Variants in ADRA1B observed in about 807,000 individuals in gnomAD.
The protein encoded by ADRA1B is alpha-1B adrenergic receptor.
ADRA1B carries 17 observed loss-of-function variants against 17.9 expected under a neutral mutation model. The observed-to-expected ratio is 0.95, with a 90% CI of 0.65 to 1.42. The LOEUF is 1.42. Among genes scored for constraint, ADRA1B ranks in the 40% most tolerant of loss-of-function variants. The pLI is 0.00. For missense variants in ADRA1B, 681 were observed against 722.1 expected (o/e 0.94, Z 0.65); for synonymous variants, 366 against 327.6 (o/e 1.12, Z -1.27).
At chr5:159,950,277 A>AT (rs34015321) in intron 1 of ADRA1B, among the ~76,000 whole-genome samples, 17,590 of 152,012 alleles carry the variant, frequency 0.12, 1,276 homozygotes, top group Non-Finnish European at 0.15. Context: ...CTAGTGGAGA[A>AT]TTTTTTCTTT....
intron 1 of ADRA1B, among the ~76,000 whole-genome samples, chr5:159,886,513 C>T (rs1753924148): frequency 6.6e-6 from 1 of 152,160 alleles, no homozygotes; most frequent in South Asian, 2.1e-4. Context: ...TTCAGTGAGT[C>T]TCCCAAGCCA....
chr5:159,875,416 A>G (rs1276964696), intron 1 of ADRA1B, among the ~76,000 whole-genome samples: 2 of 152,162 alleles, frequency 1.3e-5, no homozygotes, highest in Non-Finnish European at 2.9e-5. Context: ...GACCAAGCTC[A>G]AGGAAAAATG....
upstream of ADRA1B, among the ~76,000 whole-genome samples, chr5:159,913,546 C>T (rs557209364): frequency 2.6e-5 from 4 of 152,350 alleles, no homozygotes; most frequent in South Asian, 8.3e-4. Flanking sequence ...GTCAATCTGG[C>T]TCAATAATTT....
chr5:159,869,490 C>T (rs1251827203), intron 1 of ADRA1B: 1 of 152,182 alleles, frequency 6.6e-6, no homozygotes, highest in Non-Finnish European at 1.5e-5. Context: ...ATTAGAGTTG[C>T]TCACTGGAAA....
At chr5:159,978,203 C>G in the ADRA1B span, among the ~76,000 whole-genome samples, 1 of 152,294 alleles carries the variant, frequency 6.6e-6, no homozygotes, top group African/African-American at 2.4e-5. Context: ...TGTGTATTCT[C>G]AGCACTTCAT....
At chr5:159,879,363 C>A (rs951833548) in intron 1 of ADRA1B, among the ~76,000 whole-genome samples, 1 of 152,140 alleles carries the variant, frequency 6.6e-6, no homozygotes, top group Admixed American at 6.5e-5. Context: ...CAGCAACAGG[C>A]GCCTGCCTGT....
At chr5:159,949,927 T>G (rs1755380637) in intron 1 of ADRA1B, among the ~76,000 whole-genome samples, 1 of 152,136 alleles carries the variant, frequency 6.6e-6, no homozygotes, top group African/African-American at 2.4e-5. Flanking sequence ...CCCAGATAAG[T>G]CAAACCTCCA....
the ADRA1B span, among the ~76,000 whole-genome samples, chr5:159,979,262 G>A: frequency 2.0e-5 from 3 of 152,216 alleles, no homozygotes; most frequent in African/African-American, 7.2e-5. Context: ...CTAGAACTGG[G>A]TGACAATCCT....
chr5:159,951,060 T>G (rs1755425195), intron 1 of ADRA1B: 1 of 714,436 alleles, frequency 1.4e-6, no homozygotes, highest in Non-Finnish European at 2.6e-6. Flanking sequence ...GAGGCATAGC[T>G]GACGATATTG....
At chr5:159,895,995 T>C (rs1202385191) in intron 1 of ADRA1B, among the ~76,000 whole-genome samples, 1 of 152,244 alleles carries the variant, frequency 6.6e-6, no homozygotes. Context: ...CACATAGTGC[T>C]GTGCCTGACA....
At chr5:159,869,795 C>T (rs1295936195) in intron 1 of ADRA1B, 3 of 152,136 alleles carry the variant, frequency 2.0e-5, no homozygotes, top group Admixed American at 2.0e-4. Context: ...AATAATCGCT[C>T]CTGCTTCAGA....
chr5:159,972,833 C>T lies in ADRA1B; in HGVS notation c.*341C>T, dbSNP rs1032553185. 3.3e-5 allele frequency among the ~76,000 whole-genome samples: 5 copies of T among 152,108 alleles called. No homozygotes were observed. Among genetic ancestry groups the T allele is most frequent in the African/African-American group, 9.7e-5 (4 of 41,422 alleles). On this transcript the variant is annotated 3_prime_UTR_variant, in exon 2 of 2. Coordinates refer to ENST00000306675, the MANE Select transcript of ADRA1B (RefSeq NM_000679.4). Reference sequence around the variant, plus strand: ...GACTGTGCGGTGTGCGTGTGTTCCGCTTGTGTGTGTGCGTGGGGCCGCCCT... The same window carrying T: ...GACTGTGCGGTGTGCGTGTGTTCCGTTTGTGTGTGTGCGTGGGGCCGCCCT...
intron 1 of ADRA1B, among the ~76,000 whole-genome samples, chr5:159,952,016 TAC>T (rs1371017081): frequency 6.6e-6 from 1 of 152,174 alleles, no homozygotes; most frequent in Non-Finnish European, 1.5e-5. Flanking sequence ...TCTAAATTAT[TAC>T]AGTTTCTCCT....
intron 1 of ADRA1B, chr5:159,951,069 T>C: frequency 2.8e-6 from 2 of 723,098 alleles, no homozygotes; most frequent in Non-Finnish European, 5.1e-6. Context: ...CTGACGATAT[T>C]GAGTCTGTTG....
At chr5:159,884,259 G>A (rs1056590186) in intron 1 of ADRA1B, among the ~76,000 whole-genome samples, 6 of 152,046 alleles carry the variant, frequency 3.9e-5, no homozygotes, top group African/African-American at 1.2e-4. Context: ...GTTATGGCTT[G>A]AAAGTTCATA....
chr5:159,941,842 G>C (rs1214549436), intron 1 of ADRA1B, among the ~76,000 whole-genome samples: 1 of 151,680 alleles, frequency 6.6e-6, no homozygotes, highest in Non-Finnish European at 1.5e-5. Context: ...CAAATGCACA[G>C]AGAGAGAAAG....
chr5:159,881,321 C>CTCTG (rs1753861063), intron 1 of ADRA1B, among the ~76,000 whole-genome samples: 1 of 151,640 alleles, frequency 6.6e-6, no homozygotes, highest in African/African-American at 2.4e-5. Flanking sequence ...CTCTCTCTCT[C>CTCTG]TCTCTCTCTC....
At chr5:159,951,795 T>C (rs1476121518) in intron 1 of ADRA1B, among the ~76,000 whole-genome samples, 1 of 152,224 alleles carries the variant, frequency 6.6e-6, no homozygotes, top group Non-Finnish European at 1.5e-5. Context: ...TTTTATTGTC[T>C]GGCTTAGTTC....
At chr5:159,866,594 GAA>G (rs59632607) in intron 1 of ADRA1B, among the ~76,000 whole-genome samples, 2 of 139,298 alleles carry the variant, frequency 1.4e-5, no homozygotes, top group African/African-American at 2.6e-5. Context: ...CTCAAAAAAG[GAA>G]AAAAAAAAAA....
Sources: allele counts gnomAD v4.1 joint callset (sites outside exome capture counted in the v4.1 genomes callset), GRCh38; gene constraint gnomAD v4.1.1; transcripts MANE v1.5; gene names NCBI Gene and HGNC (gene_info 2026-07-23, HGNC 2026-07-21).